Variants in CDH12 observed in about 807,000 individuals in gnomAD.
The protein encoded by CDH12 is cadherin 12.
A neutral mutation model predicts 74.1 loss-of-function variants in CDH12; 41 were observed. That is an observed-to-expected ratio of 0.55 (90% CI 0.43 to 0.72). CDH12 has a LOEUF of 0.72. Among genes scored for constraint, CDH12 ranks in the 30% least tolerant of loss-of-function variants. The pLI, the probability that CDH12 is intolerant of heterozygous loss-of-function variation, is 0.00. For missense variants in CDH12, 945 were observed against 977.2 expected (o/e 0.97, Z 0.44); for synonymous variants, 399 against 355.0 (o/e 1.12, Z -1.39).
At chr5:22,602,894 G>T (rs567486741) in intron 1 of CDH12, among the ~76,000 whole-genome samples, 2 of 152,252 alleles carry the variant, frequency 1.3e-5, no homozygotes, top group Admixed American at 6.5e-5. Context: ...AAGGGAAAAT[G>T]TTCTTTATTG....
intron 4 of CDH12, among the ~76,000 whole-genome samples, chr5:22,206,043 TC>T (rs1751196705): frequency 6.6e-6 from 1 of 152,084 alleles, no homozygotes; most frequent in African/African-American, 2.4e-5. Context: ...TCAGAATTTT[TC>T]ATCACCTTCC....
At position 22,149,627 on chromosome 5, in the gene CDH12, T is replaced by C. The variant is rs553890180; in HGVS notation, c.-187+62871A>G. The stretch of plus-strand genomic sequence containing the variant: ...GTTTCAGTAGAGTCTCTATACATCC[T>C]ACATGAATGATCTAATCTCCAACCT... On this transcript the variant is annotated intron_variant, in intron 4 of 14. Coordinates refer to ENST00000382254, the MANE Select transcript of CDH12 (RefSeq NM_004061.5). Among the ~76,000 whole-genome samples, 25 of 152,336 alleles carry C rather than the reference T, an allele frequency of 1.6e-4. No individual in the cohort carries two copies. The South Asian group carries it at 5.0e-3, about 30-fold the overall frequency.
chr5:22,550,984 T>C (rs1738537985), intron 1 of CDH12, among the ~76,000 whole-genome samples: 1 of 152,148 alleles, frequency 6.6e-6, no homozygotes, highest in Non-Finnish European at 1.5e-5. Context: ...CTTTGAAACA[T>C]ACTGACATGT....
intron 12 of CDH12, among the ~76,000 whole-genome samples, chr5:21,763,698 T>G (rs1430734162): frequency 6.6e-6 from 1 of 152,156 alleles, no homozygotes; most frequent in Non-Finnish European, 1.5e-5. Context: ...CATGCCTGAT[T>G]CCTTTTATAT....
At chr5:22,717,191 C>A (rs1305854904) in intron 1 of CDH12, among the ~76,000 whole-genome samples, 1 of 152,154 alleles carries the variant, frequency 6.6e-6, no homozygotes, top group Non-Finnish European at 1.5e-5. Context: ...TCACCCAGAG[C>A]AACTTCCAGT....
chr5:22,256,330 A>G (rs1388428101), intron 3 of CDH12, among the ~76,000 whole-genome samples: 1 of 152,184 alleles, frequency 6.6e-6, no homozygotes, highest in Admixed American at 6.6e-5. Context: ...TATATCACCT[A>G]GTGACACTGT....
chr5:22,256,096 A>G (rs1331679561), intron 3 of CDH12, among the ~76,000 whole-genome samples: 5 of 152,170 alleles, frequency 3.3e-5, no homozygotes, highest in Admixed American at 6.6e-5. Flanking sequence ...TATTTGCTAA[A>G]CAGTTTTCCA....
chr5:22,104,626 G>A (rs987495362), intron 4 of CDH12, among the ~76,000 whole-genome samples: 46 of 152,218 alleles, frequency 3.0e-4, no homozygotes, highest in African/African-American at 1.1e-3. Context: ...ACTGGCTGAT[G>A]TTGCTATATC....
At chr5:22,580,363 T>C (rs1740020561) in intron 1 of CDH12, 19 of 469,232 alleles carry the variant, frequency 4.0e-5, no homozygotes, top group South Asian at 2.8e-4. Flanking sequence ...GCTCTGAAAA[T>C]GCACACCAAG....
intron 4 of CDH12, among the ~76,000 whole-genome samples, chr5:22,154,100 G>A (rs1423416021): frequency 8.1e-6 from 1 of 123,894 alleles, no homozygotes; most frequent in Non-Finnish European, 1.8e-5. Flanking sequence ...CTTTAATGAG[G>A]TGTAATGACA....
intron 2 of CDH12, among the ~76,000 whole-genome samples, chr5:22,462,474 A>T (rs1745561121): frequency 6.6e-6 from 1 of 152,158 alleles, no homozygotes; most frequent in African/African-American, 2.4e-5. Flanking sequence ...GCAACTAAAA[A>T]ACTACCATTT....
chr5:22,408,397 C>A (rs994594796), intron 2 of CDH12, among the ~76,000 whole-genome samples: 1 of 151,558 alleles, frequency 6.6e-6, no homozygotes, highest in African/African-American at 2.4e-5. Context: ...GTTGAACCAA[C>A]GTAAGTCACC....
intron 4 of CDH12, among the ~76,000 whole-genome samples, chr5:22,121,978 C>T (rs548461866): frequency 1.6e-4 from 25 of 151,982 alleles, no homozygotes; most frequent in Admixed American, 9.2e-4. Context: ...CCACTTTGAC[C>T]ACCACAGATC....
chr5:22,110,735 A>T (rs1215129034), intron 4 of CDH12, among the ~76,000 whole-genome samples: 1 of 152,156 alleles, frequency 6.6e-6, no homozygotes, highest in African/African-American at 2.4e-5. Flanking sequence ...GACCTTGGGA[A>T]TAATGTTTGG....
At chr5:22,158,128 T>C (rs1471045164) in intron 4 of CDH12, among the ~76,000 whole-genome samples, 1 of 152,082 alleles carries the variant, frequency 6.6e-6, no homozygotes, top group Non-Finnish European at 1.5e-5. Context: ...CTTTGCAATT[T>C]AGGATGAATC....
intron 1 of CDH12, among the ~76,000 whole-genome samples, chr5:22,562,658 C>T (rs893942765): frequency 6.6e-6 from 1 of 151,370 alleles, no homozygotes; most frequent in African/African-American, 2.4e-5. Context: ...ACTTTATCAA[C>T]AGAAGGAAGA....
chr5:22,159,195 C>T (rs540604279), intron 4 of CDH12, among the ~76,000 whole-genome samples: 13 of 152,024 alleles, frequency 8.6e-5, no homozygotes, highest in Non-Finnish European at 1.3e-4. Context: ...CACCACTCAA[C>T]AGCAAGGACA....
intron 1 of CDH12, among the ~76,000 whole-genome samples, chr5:22,684,523 T>A (rs905117970): frequency 1.4e-4 from 21 of 152,194 alleles, no homozygotes; most frequent in African/African-American, 3.6e-4. Context: ...AAGTGAGAAC[T>A]GCGTATGCCA....
At chr5:22,426,511 A>G (rs1329478585) in intron 2 of CDH12, among the ~76,000 whole-genome samples, 2 of 152,120 alleles carry the variant, frequency 1.3e-5, no homozygotes, top group Non-Finnish European at 2.9e-5. Flanking sequence ...ACACAAAATG[A>G]TAGGCAAGAA....
Sources: allele counts gnomAD v4.1 joint callset (sites outside exome capture counted in the v4.1 genomes callset), GRCh38; gene constraint gnomAD v4.1.1; transcripts MANE v1.5; gene names NCBI Gene and HGNC (gene_info 2026-07-23, HGNC 2026-07-21).